The following WWOX variants were observed in gnomAD, a reference collection of about 807,000 sequenced individuals.
WWOX encodes WW domain-containing oxidoreductase.
In WWOX, 69 loss-of-function variants were observed where a neutral mutation model predicts 46.2. That is an observed-to-expected ratio of 1.49 (90% confidence interval 1.23 to 1.82). The LOEUF is 1.82. Ranked by LOEUF, WWOX falls within the 40% of genes most tolerant of loss-of-function variation. The pLI is 0.00. For missense variants in WWOX, 919 were observed against 542.6 expected, an observed-to-expected ratio of 1.69 and a Z score of -6.89; for synonymous variants, 359 against 202.6, an observed-to-expected ratio of 1.77 and a Z score of -6.56.
chr16:78,581,149 G>T (rs1050941494), intron 8 of WWOX, among the ~76,000 whole-genome samples: 1 of 151,888 alleles, frequency 6.6e-6, no homozygotes, highest in Admixed American at 6.6e-5. Context: ...ACATGACACC[G>T]TATAACAAGT....
chr16:78,935,044 C>G (rs1320469814), intron 8 of WWOX, among the ~76,000 whole-genome samples: 2 of 152,076 alleles, frequency 1.3e-5, no homozygotes, highest in Non-Finnish European at 2.9e-5. Context: ...CAAATCAAAA[C>G]CACAATGAGA....
chr16:78,418,480 G>C (rs1052239831), intron 6 of WWOX, among the ~76,000 whole-genome samples: 1 of 151,900 alleles, frequency 6.6e-6, no homozygotes, highest in African/African-American at 2.4e-5. Flanking sequence ...TCTGACAACA[G>C]AGGCAGACAA....
At chr16:78,535,989 G>A (rs899211606) in intron 8 of WWOX, among the ~76,000 whole-genome samples, 1 of 152,168 alleles carries the variant, frequency 6.6e-6, no homozygotes, top group Non-Finnish European at 1.5e-5. Flanking sequence ...TTCAGGCAAG[G>A]TTAGTTTCGG....
intron 8 of WWOX, among the ~76,000 whole-genome samples, chr16:78,908,667 A>G (rs1604952): frequency 0.92 from 140,581 of 152,154 alleles, 65,990 homozygotes; most frequent in East Asian, 1. Flanking sequence ...TAGTGAGAAG[A>G]GGGTCAGGGA....
At chr16:78,323,571 G>A (rs531535538) in intron 5 of WWOX, among the ~76,000 whole-genome samples, 1 of 152,122 alleles carries the variant, frequency 6.6e-6, no homozygotes, top group Non-Finnish European at 1.5e-5. Context: ...GGGAAGAGGC[G>A]GGAACCCCAC....
intron 8 of WWOX, among the ~76,000 whole-genome samples, chr16:78,616,575 G>C (rs1404115795): frequency 2.0e-5 from 3 of 151,874 alleles, no homozygotes; most frequent in African/African-American, 7.3e-5. Context: ...GTCGAGACCA[G>C]CCTGGCTGAC....
At chr16:78,817,736 C>G (rs191253570) in intron 8 of WWOX, among the ~76,000 whole-genome samples, 1 of 152,140 alleles carries the variant, frequency 6.6e-6, no homozygotes, top group Non-Finnish European at 1.5e-5. Flanking sequence ...AGGACCTCTT[C>G]GGGTCCCAGC....
intron 8 of WWOX, among the ~76,000 whole-genome samples, chr16:78,978,761 A>T (rs983931570): frequency 1.3e-5 from 2 of 152,184 alleles, no homozygotes; most frequent in Non-Finnish European, 2.9e-5. Flanking sequence ...GAACTCTCTC[A>T]CTGGGACAAC....
chr16:78,118,051 T>A (rs886261620), intron 4 of WWOX, among the ~76,000 whole-genome samples: 14 of 151,784 alleles, frequency 9.2e-5, no homozygotes, highest in African/African-American at 3.4e-4. Flanking sequence ...CTTTCTTTTT[T>A]TTTTTTAATG....
intron 8 of WWOX, among the ~76,000 whole-genome samples, chr16:78,833,429 C>G (rs971793238): frequency 9.8e-5 from 3 of 30,722 alleles, no homozygotes; most frequent in African/African-American, 2.9e-4. Context: ...CCATCTCCTC[C>G]TCCTCCTCCT....
chr16:78,477,809 A>C (rs1220364624), intron 8 of WWOX, among the ~76,000 whole-genome samples: 1 of 152,194 alleles, frequency 6.6e-6, no homozygotes, highest in Non-Finnish European at 1.5e-5. Flanking sequence ...CAAACACATT[A>C]AATGGTGGGT....
At chr16:78,561,692 T>G (rs2044441071) in intron 8 of WWOX, among the ~76,000 whole-genome samples, 1 of 152,082 alleles carries the variant, frequency 6.6e-6, no homozygotes, top group African/African-American at 2.4e-5. Context: ...AGATATAAAC[T>G]GCAAAGAAAG....
At chr16:78,393,729 CATTTTTGATCATGG>C (rs1450834733) in intron 6 of WWOX, among the ~76,000 whole-genome samples, 1 of 152,042 alleles carries the variant, frequency 6.6e-6, no homozygotes, top group African/African-American at 2.4e-5. Flanking sequence ...TTTAGAACTG[CATTTTTGATCATGG>C]ATTTTTATGT....
At chr16:78,433,864 A>T (rs960958192) in intron 8 of WWOX, among the ~76,000 whole-genome samples, 1 of 133,598 alleles carries the variant, frequency 7.5e-6, no homozygotes, top group African/African-American at 2.8e-5. Context: ...ATCTCGGCTC[A>T]CTGCAAGCTC....
At chr16:78,153,483 T>C (rs16947192) in intron 4 of WWOX, among the ~76,000 whole-genome samples, 11,570 of 152,066 alleles carry the variant, frequency 0.076, 596 homozygotes, top group East Asian at 0.3. Flanking sequence ...TGAAAGACAT[T>C]AGGCCTATCT....
At chr16:78,992,050 T>G (rs11645918) in intron 8 of WWOX, among the ~76,000 whole-genome samples, 1 of 152,200 alleles carries the variant, frequency 6.6e-6, no homozygotes, top group African/African-American at 2.4e-5. Context: ...TCCTTTCACA[T>G]GCATGCATTA....
intron 8 of WWOX, among the ~76,000 whole-genome samples, chr16:78,444,532 C>CTTT (rs749332062): frequency 4.4e-4 from 60 of 136,778 alleles, no homozygotes; most frequent in Middle Eastern, 3.7e-3. Context: ...AGGAGCAATT[C>CTTT]TTTTTTTTTT....
intron 5 of WWOX, among the ~76,000 whole-genome samples, chr16:78,386,641 C>CCCCCCCCCCG (rs2082067331): frequency 1.3e-5 from 2 of 148,498 alleles, no homozygotes; most frequent in Admixed American, 1.4e-4. Context: ...GCCCCACCCC[C>CCCCCCCCCCG]CAGCCTGTAG....
At chr16:78,757,815 C>A (rs2049693135) in intron 8 of WWOX, among the ~76,000 whole-genome samples, 1 of 151,914 alleles carries the variant, frequency 6.6e-6, no homozygotes, top group African/African-American at 2.4e-5. Flanking sequence ...AGGAAGAGAT[C>A]ATCTTTCTTC....
Sources: gnomAD v4.1 joint callset for allele counts (sites outside exome capture counted in the v4.1 genomes callset) on GRCh38, gnomAD v4.1.1 for gene constraint, MANE v1.5 for transcripts, NCBI Gene and HGNC (gene_info 2026-07-23, HGNC 2026-07-21) for gene names.